Variants in ASTN2 observed in about 807,000 individuals in gnomAD.
The protein encoded by ASTN2 is astrotactin 2.
In ASTN2, 54 loss-of-function variants were observed where a neutral mutation model predicts 139.8. That is an observed-to-expected ratio of 0.39 (90% CI 0.31 to 0.48). ASTN2 has a LOEUF of 0.48. Ranked by LOEUF, ASTN2 falls within the 20% of genes least tolerant of loss-of-function variation. The probability of loss-of-function intolerance (pLI) is 0.95; values close to 1 mark genes in which losing one functional copy is unlikely to be tolerated. For missense variants in ASTN2, 1,565 were observed against 1,725.1 expected, an observed-to-expected ratio of 0.91 and a Z score of 1.64; for synonymous variants, 756 against 719.5, an observed-to-expected ratio of 1.05 and a Z score of -0.81.
At chr9:116,848,074 A>C (rs576895693) in intron 11 of ASTN2, among the ~76,000 whole-genome samples, 34 of 152,266 alleles carry the variant, frequency 2.2e-4, no homozygotes, top group African/African-American at 8.2e-4. Flanking sequence ...CGCTGGGAGG[A>C]AAATGAACAT....
In ASTN2 at chr9:116,699,425, G is replaced by T. The variant is rs778701960; in HGVS notation, c.2806+26346C>A. The T allele has an allele frequency of 2.5e-6, 4 of 1,614,178 alleles. No homozygotes were observed. Among genetic ancestry groups the T allele is most frequent in the Non-Finnish European group, 2.5e-6 (3 of 1,180,026 alleles). ...GCTCTGTAGGCCCTGATGGGCAGCT[G>T]GGTCGCCAGATTAGCCACTTCTTCT... On this transcript the variant is annotated intron_variant, in intron 16 of 22. Transcript: ENST00000313400. The surrounding 1 kb of genome is among the most constrained non-coding windows in gnomAD (Gnocchi z 4.2).
chr9:117,107,513 T>C (rs1236379640), intron 4 of ASTN2, among the ~76,000 whole-genome samples: 1 of 152,210 alleles, frequency 6.6e-6, no homozygotes, highest in Non-Finnish European at 1.5e-5. Flanking sequence ...GTAATTTTGA[T>C]ATGCATCCCA....
chr9:117,358,668 T>C (rs1829612086), intron 1 of ASTN2, among the ~76,000 whole-genome samples: 2 of 152,122 alleles, frequency 1.3e-5, no homozygotes, highest in Non-Finnish European at 2.9e-5. Flanking sequence ...AGTGACTTTC[T>C]CAGCATCTGC....
At chr9:117,269,086 G>A (rs4837062) in intron 2 of ASTN2, among the ~76,000 whole-genome samples, 43,863 of 152,114 alleles carry the variant, frequency 0.29, 7,276 homozygotes, top group South Asian at 0.4. Context: ...TTTTCTTCTA[G>A]TCTTTTCCCA....
At chr9:116,652,584 C>A (rs1405077550) in intron 16 of ASTN2, among the ~76,000 whole-genome samples, 1 of 152,094 alleles carries the variant, frequency 6.6e-6, no homozygotes, top group Non-Finnish European at 1.5e-5. Flanking sequence ...CATCTGAAAT[C>A]TCAGTTCTGC....
chr9:117,253,385 C>T (rs973980833), intron 2 of ASTN2, among the ~76,000 whole-genome samples: 3 of 152,202 alleles, frequency 2.0e-5, no homozygotes, highest in African/African-American at 7.2e-5. Context: ...AACAGAGCTC[C>T]AGGCTAGGGA....
chr9:116,703,065 C>G (rs1036398154), intron 16 of ASTN2, among the ~76,000 whole-genome samples: 2 of 151,796 alleles, frequency 1.3e-5, no homozygotes, highest in African/African-American at 4.8e-5. Context: ...CTGACTTCCA[C>G]AATGGTTGAA....
At chr9:116,934,044 G>C (rs149684095) in intron 10 of ASTN2, among the ~76,000 whole-genome samples, 1 of 144,716 alleles carries the variant, frequency 6.9e-6, no homozygotes, top group Non-Finnish European at 1.5e-5. Context: ...GCAGAGGGAT[G>C]GAGGTGATCA....
chr9:116,677,355 A>G (rs967133337), intron 16 of ASTN2, among the ~76,000 whole-genome samples: 2 of 152,188 alleles, frequency 1.3e-5, no homozygotes, highest in African/African-American at 2.4e-5. Flanking sequence ...CTAGTAATTA[A>G]AAGTGGATGG....
At chr9:117,024,292 T>C (rs1018391089) in intron 6 of ASTN2, among the ~76,000 whole-genome samples, 1 of 152,098 alleles carries the variant, frequency 6.6e-6, no homozygotes, top group African/African-American at 2.4e-5. Context: ...TTTTGAAGAG[T>C]CTACCTCATT....
intron 10 of ASTN2, among the ~76,000 whole-genome samples, chr9:116,916,097 A>G (rs991128264): frequency 3.3e-5 from 5 of 152,202 alleles, no homozygotes; most frequent in African/African-American, 1.2e-4. Context: ...TGGTGTGGGG[A>G]AAACAATCCC....
intron 11 of ASTN2, among the ~76,000 whole-genome samples, chr9:116,848,636 C>T (rs1385135657): frequency 3.3e-5 from 5 of 152,182 alleles, no homozygotes; most frequent in Non-Finnish European, 7.3e-5. Context: ...ATACAACAAC[C>T]ATGTAAGGTA....
At chr9:117,324,462 G>A (rs1828447094) in intron 1 of ASTN2, among the ~76,000 whole-genome samples, 1 of 152,172 alleles carries the variant, frequency 6.6e-6, no homozygotes, top group Admixed American at 6.5e-5. Flanking sequence ...AGAGAAGAGT[G>A]AGTGAAAGAG....
intron 17 of ASTN2, among the ~76,000 whole-genome samples, chr9:116,632,982 GAAT>G (rs1370013664): frequency 6.6e-6 from 1 of 152,202 alleles, no homozygotes; most frequent in Non-Finnish European, 1.5e-5. Context: ...TTGTATGAAT[GAAT>G]AATAAAGTCT....
chr9:116,959,252 G>A (rs140009177), intron 10 of ASTN2, among the ~76,000 whole-genome samples: 124 of 152,302 alleles, frequency 8.1e-4, no homozygotes, highest in Admixed American at 1.7e-3. Flanking sequence ...TGAGTAAAAC[G>A]TAGCCAGATA....
chr9:117,057,331 C>T (rs1839091784), intron 5 of ASTN2, among the ~76,000 whole-genome samples: 1 of 152,176 alleles, frequency 6.6e-6, no homozygotes, highest in Non-Finnish European at 1.5e-5. Context: ...ATTATTTCTG[C>T]AGCAGGAGCT....
intron 1 of ASTN2, among the ~76,000 whole-genome samples, chr9:117,382,341 C>A (rs1830295358): frequency 6.6e-6 from 1 of 152,188 alleles, no homozygotes; most frequent in Non-Finnish European, 1.5e-5. Flanking sequence ...GAAAACAGAA[C>A]AAGTCTGATC....
chr9:116,811,895 T>C (rs192823905), intron 12 of ASTN2, among the ~76,000 whole-genome samples: 1 of 152,366 alleles, frequency 6.6e-6, no homozygotes, highest in Admixed American at 6.5e-5. Flanking sequence ...TTTCTGAAAG[T>C]TGACATAGTT....
intron 1 of ASTN2, among the ~76,000 whole-genome samples, chr9:117,343,381 C>A (rs1261318522): frequency 6.6e-6 from 1 of 152,156 alleles, no homozygotes; most frequent in Non-Finnish European, 1.5e-5. Flanking sequence ...GAAAGCTCAT[C>A]CAAGAAGCTT....
Sources: gnomAD v4.1 joint callset for allele counts (sites outside exome capture counted in the v4.1 genomes callset) on GRCh38, gnomAD v4.1.1 for gene constraint, Gnocchi (gnomAD v3.1) non-coding constraint, MANE v1.5 for transcripts, NCBI Gene and HGNC (gene_info 2026-07-23, HGNC 2026-07-21) for gene names.